The following CRPPA variants were observed in gnomAD, a reference collection of about 807,000 sequenced individuals.
CRPPA encodes D-ribitol-5-phosphate cytidylyltransferase.
A neutral mutation model predicts 52.0 loss-of-function variants in CRPPA; 43 were observed. The ratio of observed to expected loss-of-function variants is 0.83; its 90% CI spans 0.65 to 1.07. The LOEUF (loss-of-function observed/expected upper bound fraction) is 1.07. Ranked by LOEUF, CRPPA falls within the 50% of genes least tolerant of loss-of-function variation. The probability of loss-of-function intolerance (pLI) is 0.00; values close to 1 mark genes in which losing one functional copy is unlikely to be tolerated. For missense variants in CRPPA, 629 were observed against 551.7 expected, an observed-to-expected ratio of 1.14 and a Z score of -1.40; for synonymous variants, 250 against 203.5, an observed-to-expected ratio of 1.23 and a Z score of -1.94.
intron 2 of CRPPA, among the ~76,000 whole-genome samples, chr7:16,391,393 C>T (rs1787440936): frequency 6.6e-6 from 1 of 152,104 alleles, no homozygotes; most frequent in Non-Finnish European, 1.5e-5. Context: ...GCCACCCATC[C>T]TCCCTCTGAG....
chr7:16,201,650 A>T (rs112836979), intron 9 of CRPPA, among the ~76,000 whole-genome samples: 37 of 152,200 alleles, frequency 2.4e-4, no homozygotes, highest in African/African-American at 8.4e-4. Context: ...GAACTTGCCG[A>T]ACCGTGGGAG....
At chr7:16,332,023 T>C (rs1193999190) in intron 3 of CRPPA, among the ~76,000 whole-genome samples, 1 of 152,150 alleles carries the variant, frequency 6.6e-6, no homozygotes, top group Non-Finnish European at 1.5e-5. Context: ...CAAACAATTC[T>C]ACCTAGGCAT....
intron 9 of CRPPA, among the ~76,000 whole-genome samples, chr7:16,176,965 A>G (rs1282243015): frequency 6.6e-6 from 1 of 152,204 alleles, no homozygotes; most frequent in Non-Finnish European, 1.5e-5. Context: ...AATACTATTC[A>G]GCATTAAGAA....
At chr7:16,366,419 G>C (rs1482300307) in intron 3 of CRPPA, among the ~76,000 whole-genome samples, 1 of 152,100 alleles carries the variant, frequency 6.6e-6, no homozygotes, top group Non-Finnish European at 1.5e-5. Flanking sequence ...ACAAAAGCTA[G>C]AAAATTAAAG....
intron 8 of CRPPA, among the ~76,000 whole-genome samples, chr7:16,246,387 A>G (rs1396182355): frequency 6.6e-6 from 1 of 152,154 alleles, no homozygotes; most frequent in African/African-American, 2.4e-5. Flanking sequence ...CCCCTGTTGA[A>G]GTCACATCGC....
chr7:16,359,440 G>A (rs1251156903), intron 3 of CRPPA, among the ~76,000 whole-genome samples: 2 of 152,192 alleles, frequency 1.3e-5, no homozygotes, highest in African/African-American at 4.8e-5. Flanking sequence ...GCATTGCCTG[G>A]ATACTGGTGT....
rs1347286817 is a variant in CRPPA, at chr7:16,089,410, T to C, written c.*2285A>G. 2.8e-6 allele frequency: 1 copy of C among 355,130 alleles called. No homozygotes were observed. The highest frequency in any genetic ancestry group is 1.9e-5 in the South Asian group (1 of 53,122). 22.0% of individuals were successfully genotyped at this position (355,130 alleles called of 1,614,324 possible). A position where few individuals can be genotyped will look rare whatever the true frequency, so the allele number is the denominator to read the frequency against. On this transcript the variant is annotated 3_prime_UTR_variant, in exon 10 of 10. Transcript: ENST00000407010. ...TATATGTATGTACATAATGTGTATA[T>C]ATGTACGTACATACATATATGTGTA...
At chr7:16,102,017 G>T (rs916045485) in intron 9 of CRPPA, among the ~76,000 whole-genome samples, 2 of 152,050 alleles carry the variant, frequency 1.3e-5, no homozygotes, top group African/African-American at 4.8e-5. Context: ...TAAGCAAAAA[G>T]AACAAAGCTG....
At chr7:16,282,119 T>TA (rs1784333444) in intron 5 of CRPPA, among the ~76,000 whole-genome samples, 2 of 152,130 alleles carry the variant, frequency 1.3e-5, no homozygotes, top group South Asian at 4.1e-4. Context: ...CTTCTCTTTT[T>TA]AAAAATGTTT....
At chr7:16,416,919 A>C (rs931159254) in intron 1 of CRPPA, among the ~76,000 whole-genome samples, 5 of 152,210 alleles carry the variant, frequency 3.3e-5, no homozygotes, top group Admixed American at 3.3e-4. Context: ...GCAAAGGCCT[A>C]ATATCCAGAA....
At chr7:16,137,144 G>A (rs1244208018) in intron 9 of CRPPA, among the ~76,000 whole-genome samples, 1 of 152,210 alleles carries the variant, frequency 6.6e-6, no homozygotes, top group Non-Finnish European at 1.5e-5. Flanking sequence ...AGGTGATTAG[G>A]TTATAAGGGT....
At chr7:16,336,222 G>A (rs866340604) in intron 3 of CRPPA, among the ~76,000 whole-genome samples, 1 of 152,130 alleles carries the variant, frequency 6.6e-6, no homozygotes, top group African/African-American at 2.4e-5. Flanking sequence ...CTCTAATATT[G>A]TAAGGGTAAT....
At chr7:16,400,706 G>A (rs769075240) in intron 2 of CRPPA, among the ~76,000 whole-genome samples, 1 of 152,076 alleles carries the variant, frequency 6.6e-6, no homozygotes, top group Non-Finnish European at 1.5e-5. Flanking sequence ...TGTATGACAC[G>A]TTACACGTTT....
intron 9 of CRPPA, among the ~76,000 whole-genome samples, chr7:16,171,971 C>T (rs1359034025): frequency 6.6e-6 from 1 of 152,100 alleles, no homozygotes; most frequent in African/African-American, 2.4e-5. Flanking sequence ...TAAAGGCAAG[C>T]TATCCTACAA....
chr7:16,363,287 T>C (rs1786505703), intron 3 of CRPPA, among the ~76,000 whole-genome samples: 1 of 152,162 alleles, frequency 6.6e-6, no homozygotes, highest in Admixed American at 6.5e-5. Flanking sequence ...TGACACAGTT[T>C]TGCACTGCAA....
At chr7:16,184,327 G>A (rs10280718) in intron 9 of CRPPA, among the ~76,000 whole-genome samples, 8,088 of 152,064 alleles carry the variant, frequency 0.053, 696 homozygotes, top group African/African-American at 0.18. Flanking sequence ...TGCATTTCAT[G>A]GAAACATACA....
chr7:16,345,804 G>C (rs1785999868), intron 3 of CRPPA, among the ~76,000 whole-genome samples: 1 of 152,050 alleles, frequency 6.6e-6, no homozygotes, highest in African/African-American at 2.4e-5. Context: ...CATGGAAATT[G>C]ACTCTATAAA....
intron 3 of CRPPA, among the ~76,000 whole-genome samples, chr7:16,331,157 G>A (rs191030074): frequency 0.077 from 11,741 of 152,014 alleles, 567 homozygotes; most frequent in East Asian, 0.2. Flanking sequence ...ACGCCACCAT[G>A]CCCGGCTAAT....
At chr7:16,138,854 T>G (rs1021207735) in intron 9 of CRPPA, among the ~76,000 whole-genome samples, 3 of 152,110 alleles carry the variant, frequency 2.0e-5, no homozygotes, top group African/African-American at 7.2e-5. Context: ...CAGGCAAGAG[T>G]GCAATGGCAC....
Sources: gnomAD v4.1 joint callset for allele counts (sites outside exome capture counted in the v4.1 genomes callset) on GRCh38, gnomAD v4.1.1 for gene constraint, MANE v1.5 for transcripts, NCBI Gene and HGNC (gene_info 2026-07-23, HGNC 2026-07-21) for gene names.